Variants in ZFAND3 observed in about 807,000 individuals in gnomAD.
ZFAND3 encodes AN1-type zinc finger protein 3.
In ZFAND3, 10 loss-of-function variants were observed where a neutral mutation model predicts 29.6. That is an observed-to-expected ratio of 0.34 (90% CI 0.21 to 0.57). The LOEUF (loss-of-function observed/expected upper bound fraction) is 0.57, where lower values mean the gene tolerates loss of function less well. ZFAND3 is among the 20% of genes least tolerant of loss of function. The pLI is 0.86. For missense variants in ZFAND3, 230 were observed against 304.5 expected, an observed-to-expected ratio of 0.76 and a Z score of 1.82; for synonymous variants, 128 against 112.6, an observed-to-expected ratio of 1.14 and a Z score of -0.87.
chr6:37,953,746 C>G (rs1226982127), intron 2 of ZFAND3, among the ~76,000 whole-genome samples: 1 of 152,044 alleles, frequency 6.6e-6, no homozygotes, highest in Non-Finnish European at 1.5e-5. Context: ...GTCATCACCC[C>G]TGGACTATAG....
intron 1 of ZFAND3, among the ~76,000 whole-genome samples, chr6:37,920,888 T>C (rs532179610): frequency 6.6e-6 from 1 of 151,898 alleles, no homozygotes; most frequent in East Asian, 1.9e-4. Context: ...GAGTAGAGAG[T>C]GGTGATTTAG....
At chr6:38,090,962 G>T (rs1374794190) in intron 4 of ZFAND3, among the ~76,000 whole-genome samples, 1 of 152,176 alleles carries the variant, frequency 6.6e-6, no homozygotes, top group Non-Finnish European at 1.5e-5. Context: ...TGTATAATGT[G>T]TCAGTTTGCT....
At chr6:38,076,078 G>A (rs1251178416) in intron 3 of ZFAND3, among the ~76,000 whole-genome samples, 2 of 151,952 alleles carry the variant, frequency 1.3e-5, no homozygotes, top group Non-Finnish European at 2.9e-5. Flanking sequence ...AGAAATTGCT[G>A]CACCTACCCC....
chr6:38,033,942 A>G (rs1307319680), intron 2 of ZFAND3, among the ~76,000 whole-genome samples: 1 of 152,206 alleles, frequency 6.6e-6, no homozygotes, highest in Non-Finnish European at 1.5e-5. Flanking sequence ...TTACTGTTTC[A>G]AAATAAATTT....
intron 2 of ZFAND3, among the ~76,000 whole-genome samples, chr6:38,004,326 T>G (rs1362607632): frequency 6.6e-6 from 1 of 152,192 alleles, no homozygotes; most frequent in Non-Finnish European, 1.5e-5. Context: ...ACACGTTTGC[T>G]CATAGCATTA....
intron 5 of ZFAND3, among the ~76,000 whole-genome samples, chr6:38,142,793 T>TTTCAGCTACTG (rs1367918675): frequency 3.3e-5 from 5 of 152,218 alleles, no homozygotes; most frequent in Non-Finnish European, 7.3e-5. Flanking sequence ...TGCCATCTGC[T>TTTCAGCTACTG]TTCAGCTACT....
At chr6:38,019,864 G>A (rs979005147) in intron 2 of ZFAND3, among the ~76,000 whole-genome samples, 6 of 152,138 alleles carry the variant, frequency 3.9e-5, no homozygotes, top group Non-Finnish European at 8.8e-5. Flanking sequence ...TGGGATTACC[G>A]GCACATGCCA....
chr6:37,895,459 C>CTTTTTTGTTT (rs1765183219), intron 1 of ZFAND3, among the ~76,000 whole-genome samples: 1 of 76,772 alleles, frequency 1.3e-5, no homozygotes, highest in African/African-American at 5.2e-5. Flanking sequence ...CTCAGAGGTT[C>CTTTTTTGTTT]TTTTTTTTTT....
chr6:37,893,001 T>C (rs1765130821), intron 1 of ZFAND3, among the ~76,000 whole-genome samples: 1 of 152,154 alleles, frequency 6.6e-6, no homozygotes, highest in South Asian at 2.1e-4. Flanking sequence ...GATGGAATTC[T>C]GAGGGATTCT....
chr6:38,087,908 A>G (rs1764788824), intron 4 of ZFAND3, among the ~76,000 whole-genome samples: 1 of 152,200 alleles, frequency 6.6e-6, no homozygotes. Context: ...ACTATTCACA[A>G]TAGCTAAGAA....
chr6:38,032,726 G>T (rs1763585304), intron 2 of ZFAND3, among the ~76,000 whole-genome samples: 1 of 152,186 alleles, frequency 6.6e-6, no homozygotes, highest in Non-Finnish European at 1.5e-5. Flanking sequence ...GCACAAAAGA[G>T]TCCCTGAACT....
chr6:37,889,929 A>G (rs1254007444), intron 1 of ZFAND3, among the ~76,000 whole-genome samples: 1 of 152,244 alleles, frequency 6.6e-6, no homozygotes, highest in African/African-American at 2.4e-5. Context: ...GAAAAGTAAA[A>G]TAATTTGACA....
At chr6:38,125,164 C>T (rs911867448) in intron 5 of ZFAND3, among the ~76,000 whole-genome samples, 3 of 152,186 alleles carry the variant, frequency 2.0e-5, no homozygotes, top group Non-Finnish European at 1.5e-5. Context: ...ATACTCCTCC[C>T]TTCACTCTCA....
At chr6:37,968,916 T>C (rs891103282) in intron 2 of ZFAND3, among the ~76,000 whole-genome samples, 15 of 152,220 alleles carry the variant, frequency 9.9e-5, no homozygotes, top group African/African-American at 3.4e-4. Flanking sequence ...CTTAAAGATA[T>C]ATTTCAGTGC....
At chr6:37,981,018 C>T (rs1438377690) in intron 2 of ZFAND3, among the ~76,000 whole-genome samples, 1 of 152,128 alleles carries the variant, frequency 6.6e-6, no homozygotes, top group East Asian at 1.9e-4. Context: ...TTGGAATATA[C>T]TTCTGAGGGC....
Position 38,154,520 on chromosome 6 carries a change from C to G in ZFAND3, c.*2131C>G. ...TTCTAGATTTACTTACACACATAGC[C>G]TAGAGCTCAGTTTTAGTTTTAACAT... On this transcript the variant is annotated 3_prime_UTR_variant, in exon 6 of 6. Transcript: ENST00000287218. 2 of 980,576 alleles carry G rather than the reference C, an allele frequency of 2.0e-6. No individual in the cohort carries two copies. Among genetic ancestry groups the G allele is most frequent in the South Asian group, 9.4e-5 (2 of 21,190 alleles). The allele number at this position is 980,576 out of a possible 1,614,324, so 60.7% of individuals were successfully genotyped here. A position where few individuals can be genotyped will look rare whatever the true frequency, so the allele number is the denominator to read the frequency against.
intron 2 of ZFAND3, among the ~76,000 whole-genome samples, chr6:38,036,544 C>T (rs1763661041): frequency 6.6e-6 from 1 of 152,016 alleles, no homozygotes; most frequent in South Asian, 2.1e-4. Context: ...TGAGGGGGCC[C>T]AGATGTTGGA....
rs1172455699 is a variant in ZFAND3, at chr6:38,094,952, G to T, written c.361+12495G>T. 2.0e-5 allele frequency among the ~76,000 whole-genome samples: 3 copies of T among 152,054 alleles called. No individual in the cohort carries two copies. The East Asian group carries it at 5.8e-4, about 29-fold the overall frequency. On this transcript the variant is annotated intron_variant, in intron 4 of 5. Coordinates refer to ENST00000287218, the MANE Select transcript of ZFAND3 (RefSeq NM_021943.3). ...CATTTCCTTTGAGCACCATGTTCCA[G>T]AGCTCAACATTTTGTAGCATTTTGG...
At chr6:38,081,463 A>C (rs896845653) in intron 3 of ZFAND3, among the ~76,000 whole-genome samples, 4 of 152,254 alleles carry the variant, frequency 2.6e-5, no homozygotes, top group African/African-American at 9.6e-5. Flanking sequence ...CTTTTCAGTG[A>C]GTAAATTAAA....
Sources: allele counts gnomAD v4.1 joint callset (sites outside exome capture counted in the v4.1 genomes callset), GRCh38; gene constraint gnomAD v4.1.1; transcripts MANE v1.5; gene names NCBI Gene and HGNC (gene_info 2026-07-23, HGNC 2026-07-21).